Variants in TK1 observed in about 807,000 individuals in gnomAD.
The protein encoded by TK1 is thymidine kinase, cytosolic.
A neutral mutation model predicts 22.4 loss-of-function variants in TK1; 13 were observed. The ratio of observed to expected loss-of-function variants is 0.58; its 90% CI spans 0.38 to 0.92. The LOEUF is 0.92. Among genes scored for constraint, TK1 ranks in the 40% least tolerant of loss-of-function variants. TK1 has a pLI of 0.00. For missense variants in TK1, 251 were observed against 315.7 expected, an observed-to-expected ratio of 0.80 and a Z score of 1.55; for synonymous variants, 134 against 125.4, an observed-to-expected ratio of 1.07 and a Z score of -0.46.
At chr17:78,181,918 C>T (rs2075740607) in intron 4 of TK1, among the ~76,000 whole-genome samples, 1 of 142,848 alleles carries the variant, frequency 7.0e-6, no homozygotes, top group African/African-American at 2.5e-5. Flanking sequence ...CTATGACTGG[C>T]TAATTTCTTT....
rs1443247890 is a variant in TK1 at position 78,187,019 on chromosome 17, C to T, written c.-25G>A. On this transcript the variant is annotated 5_prime_UTR_variant, in exon 1 of 7. Transcript: ENST00000301634. ...TTGCGCCTCCGGGAAGTTCACGAAC[C>T]CGAGTACTCTCCAAGGCCGTCCCGC... 4 of 1,589,074 alleles carry T rather than the reference C, an allele frequency of 2.5e-6. No individual in the cohort carries two copies. The highest frequency in any genetic ancestry group is 1.8e-5 in the Admixed American group (1 of 56,696).
chr17:78,175,116 C>G lies in TK1; in HGVS notation c.447G>C (p.Leu149=). 6.2e-7 allele frequency: 1 copy of G among 1,613,426 alleles called. No individual in the cohort carries two copies. Among genetic ancestry groups the G allele is most frequent in the Non-Finnish European group, 8.5e-7 (1 of 1,179,890 alleles). ...GGAAGCACTCCATGCACACCGCCGT[C>G]AGCTTCACCACGCTCTCGGCCAGCG... ...LVPLAESVVK[L]TAVCMECFRE... Residue 149 remains leucine, a synonymous_variant, in exon 6 of 7, where the codon CTG becomes CTC. Coordinates refer to ENST00000301634, the MANE Select transcript of TK1 (RefSeq NM_003258.5).
At chr17:78,186,855 T>C in intron 1 of TK1, 37 bp from the exon 2 acceptor site, 1 of 1,571,748 alleles carries the variant, frequency 6.4e-7, no homozygotes, top group Non-Finnish European at 8.6e-7. Flanking sequence ...GGGCCCGCCC[T>C]GCGCGGATGC....
At chr17:78,179,086 G>C (rs902984783) in intron 4 of TK1, 1 of 891,798 alleles carries the variant, frequency 1.1e-6, no homozygotes, top group Non-Finnish European at 1.3e-6. Context: ...GAAGGGAAAG[G>C]TTTCTGCCTC....
At chr17:78,181,452 C>T (rs941668117) in intron 4 of TK1, among the ~76,000 whole-genome samples, 4 of 150,638 alleles carry the variant, frequency 2.7e-5, no homozygotes, top group Admixed American at 6.6e-5. Context: ...GTGGGAAAAT[C>T]GCTTGAATCC....
rs747673977 is a variant in TK1 at position 78,186,986 on chromosome 17, G to A, written c.9C>T (p.Cys3=). 14 of 1,582,030 alleles carry A rather than the reference G, an allele frequency of 8.8e-6. No homozygotes were observed. Among genetic ancestry groups the A allele is most frequent in the Admixed American group, 7.2e-5 (4 of 55,276 alleles). ...CAGGCAGCACAGTGGGCAGGTTAAT[G>A]CAGCTCATTGCGCCTCCGGGAAGTT... MS[C]INLPTVLPGS... The change falls in exon 1 of 7, where the codon TGC becomes TGT. Residue 3 remains cysteine (C), a synonymous_variant. Coordinates refer to ENST00000301634, the MANE Select transcript of TK1 (RefSeq NM_003258.5).
intron 3 of TK1, among the ~76,000 whole-genome samples, chr17:78,184,527 A>C (rs1002357698): frequency 2.6e-5 from 4 of 152,018 alleles, no homozygotes; most frequent in African/African-American, 9.7e-5. Flanking sequence ...CACATAAAAC[A>C]GGGAAGCGTG....
intron 3 of TK1, among the ~76,000 whole-genome samples, chr17:78,184,344 T>G (rs2075763796): frequency 6.6e-6 from 1 of 152,172 alleles, no homozygotes; most frequent in South Asian, 2.1e-4. Flanking sequence ...TGAAGCCCTA[T>G]AATGTGTGGC....
intron 4 of TK1, among the ~76,000 whole-genome samples, chr17:78,182,122 C>T (rs8081639): frequency 0.082 from 12,456 of 151,750 alleles, 709 homozygotes; most frequent in African/African-American, 0.16. Flanking sequence ...GCCTGTAATC[C>T]CAGCGCTTTG....
At chr17:78,186,488 G>A (rs1325754702) in intron 2 of TK1, among the ~76,000 whole-genome samples, 1 of 152,050 alleles carries the variant, frequency 6.6e-6, no homozygotes, top group Non-Finnish European at 1.5e-5. Context: ...AGAGGACTTG[G>A]TGGGGAAGAC....
intron 3 of TK1, 99 bp from the exon 4 acceptor site, chr17:78,182,781 A>T: frequency 1.2e-6 from 1 of 832,904 alleles, no homozygotes; most frequent in Non-Finnish European, 1.7e-6. Flanking sequence ...TGCTACCTGC[A>T]AAGCAGGCTC....
intron 4 of TK1, among the ~76,000 whole-genome samples, chr17:78,181,257 A>C (rs1225542917): frequency 6.6e-6 from 1 of 151,744 alleles, no homozygotes; most frequent in Non-Finnish European, 1.5e-5. Context: ...AAAAAATAAA[A>C]ATTAAAAAGG....
intron 2 of TK1, among the ~76,000 whole-genome samples, chr17:78,186,128 C>CGGGA (rs1555602988): frequency 1.4e-5 from 2 of 147,146 alleles, no homozygotes; most frequent in African/African-American, 5.2e-5. Flanking sequence ...TGGGTGGAGG[C>CGGGA]GGGGGGGTGC....
At chr17:78,180,659 G>A (rs1305748582) in intron 4 of TK1, among the ~76,000 whole-genome samples, 3 of 152,188 alleles carry the variant, frequency 2.0e-5, no homozygotes, top group Non-Finnish European at 4.4e-5. Context: ...GGAGCATGAT[G>A]AATTAGAGCA....
At chr17:78,185,991 T>A (rs570652810) in intron 2 of TK1, among the ~76,000 whole-genome samples, 1 of 152,314 alleles carries the variant, frequency 6.6e-6, no homozygotes, top group African/African-American at 2.4e-5. Flanking sequence ...CAGGGCATGG[T>A]GGCTAACATC....
In TK1 at chr17:78,175,533, C is replaced by T. The variant is rs1200041419; in HGVS notation, c.389G>A (p.Arg130Lys). Residue 130 changes from arginine to lysine, a missense_variant, in exon 5 of 7, where the codon AGG becomes AAG. Coordinates refer to ENST00000301634, the MANE Select transcript of TK1 (RefSeq NM_003258.5). ...IVAALDGTFQ[R>K]KPFGAILNLV... ...GACCTGGATCAGACGCCTTACCTTC[C>T]TCTGGAAGGTCCCATCCAGTGCAGC... The T allele has an allele frequency of 4.3e-6, 7 of 1,613,242 alleles. No homozygotes were observed. In the South Asian group the frequency reaches 7.7e-5, roughly 18 times the overall value.
chr17:78,175,641 G>T, intron 4 of TK1, 23 bp from the exon 5 acceptor site: 4 of 1,603,650 alleles, frequency 2.5e-6, no homozygotes, highest in Admixed American at 3.4e-5. Context: ...CGTGGAGAAA[G>T]AGTGTGAGAG....
At chr17:78,179,323 G>A (rs1193162943) in intron 4 of TK1, 1 of 985,288 alleles carries the variant, frequency 1.0e-6, no homozygotes, top group East Asian at 1.1e-4. Flanking sequence ...TCCCAGCCTG[G>A]GCTCACTTTC....
intron 4 of TK1, among the ~76,000 whole-genome samples, chr17:78,180,503 A>G (rs550628513): frequency 5.8e-4 from 89 of 152,382 alleles, no homozygotes; most frequent in African/African-American, 2.0e-3. Context: ...CTAAGATAAC[A>G]GAAAATAACC....
Sources: allele counts gnomAD v4.1 joint callset (sites outside exome capture counted in the v4.1 genomes callset), GRCh38; gene constraint gnomAD v4.1.1; transcripts MANE v1.5; gene names NCBI Gene and HGNC (gene_info 2026-07-23, HGNC 2026-07-21).